UNC5D: variants seen among roughly 807,000 people sequenced by gnomAD.
UNC5D encodes unc-5 netrin receptor D, also known as netrin receptor UNC5D.
In UNC5D, 39 loss-of-function variants were observed where a neutral mutation model predicts 105.4. The ratio of observed to expected loss-of-function variants is 0.37; its 90% CI spans 0.29 to 0.48. UNC5D has a LOEUF of 0.48. Among genes scored for constraint, UNC5D ranks in the 20% least tolerant of loss-of-function variants. The pLI, the probability that UNC5D is intolerant of heterozygous loss-of-function variation, is 0.98. For missense variants in UNC5D, 991 were observed against 1,202.4 expected, an observed-to-expected ratio of 0.82 and a Z score of 2.60; for synonymous variants, 452 against 450.4, an observed-to-expected ratio of 1.00 and a Z score of -0.04.
At chr8:35,543,329 C>CA (rs1815404057) in intron 1 of UNC5D, among the ~76,000 whole-genome samples, 2 of 152,176 alleles carry the variant, frequency 1.3e-5, no homozygotes, top group South Asian at 2.1e-4. Flanking sequence ...TAGAACGTCT[C>CA]AAAATCTCTT....
At chr8:35,380,093 G>T (rs1267952594) in intron 1 of UNC5D, among the ~76,000 whole-genome samples, 1 of 102,734 alleles carries the variant, frequency 9.7e-6, no homozygotes, top group Non-Finnish European at 2.0e-5. Context: ...GGGGTGGGGG[G>T]GGGGTCGGGG....
At chr8:35,460,218 G>C (rs1271023028) in intron 1 of UNC5D, among the ~76,000 whole-genome samples, 2 of 152,146 alleles carry the variant, frequency 1.3e-5, no homozygotes, top group African/African-American at 2.4e-5. Context: ...TCTGCTGCTT[G>C]CTTGCTGAGA....
chr8:35,633,129 C>T (rs765983299), intron 4 of UNC5D, among the ~76,000 whole-genome samples: 3 of 152,210 alleles, frequency 2.0e-5, no homozygotes, highest in Non-Finnish European at 4.4e-5. Flanking sequence ...AGTATATAGC[C>T]TGCAGCCTTG....
rs759678625 is a variant in UNC5D at position 35,774,430 on chromosome 8, C to G, written c.2610C>G (p.Ala870=). The G allele has an allele frequency of 2.5e-6, 4 of 1,614,122 alleles. No homozygotes were observed. The East Asian group carries it at 6.7e-5, about 27-fold the overall frequency. The change falls in exon 16 of 17, where the codon GCC becomes GCG. Residue 870 remains alanine (A), a synonymous_variant. Coordinates refer to ENST00000404895, the MANE Select transcript of UNC5D (RefSeq NM_080872.4). ...GTGCTACATTTGATACCCCCAATGC[C>G]AAAGGCAAGGACTGGCAGATGTTAG... ...RICATFDTPN[A]KGKDWQMLAQ...
chr8:35,257,057 T>C (rs2204720), intron 1 of UNC5D, among the ~76,000 whole-genome samples: 132,933 of 150,994 alleles, frequency 0.88, 58,670 homozygotes, highest in East Asian at 1. Flanking sequence ...CTGCAACCTC[T>C]GATTCCCTGG....
intron 1 of UNC5D, among the ~76,000 whole-genome samples, chr8:35,485,852 A>C (rs1810783921): frequency 6.6e-6 from 1 of 152,140 alleles, no homozygotes; most frequent in Non-Finnish European, 1.5e-5. Context: ...GACCTAGGGG[A>C]GATGATCGAA....
At chr8:35,457,573 T>C (rs1347942173) in intron 1 of UNC5D, among the ~76,000 whole-genome samples, 1 of 152,184 alleles carries the variant, frequency 6.6e-6, no homozygotes, top group Non-Finnish European at 1.5e-5. Context: ...GTTTGGAATA[T>C]GTTCTTGTCT....
At chr8:35,747,856 GT>G (rs1277079915) in intron 11 of UNC5D, among the ~76,000 whole-genome samples, 3 of 152,150 alleles carry the variant, frequency 2.0e-5, no homozygotes, top group Non-Finnish European at 4.4e-5. Context: ...TGAACACCAG[GT>G]TTGGATTGAA....
chr8:35,404,631 A>C (rs182767489), intron 1 of UNC5D, among the ~76,000 whole-genome samples: 1 of 151,930 alleles, frequency 6.6e-6, no homozygotes, highest in Non-Finnish European at 1.5e-5. Flanking sequence ...TCTGTTGCCC[A>C]GGCTGGAGTG....
At chr8:35,508,706 C>T (rs1281815153) in intron 1 of UNC5D, among the ~76,000 whole-genome samples, 3 of 152,158 alleles carry the variant, frequency 2.0e-5, no homozygotes, top group African/African-American at 7.2e-5. Flanking sequence ...CAGGTGGCAC[C>T]AGGGCAGGGA....
At chr8:35,768,932 A>G (rs1801891156) in intron 15 of UNC5D, among the ~76,000 whole-genome samples, 1 of 152,146 alleles carries the variant, frequency 6.6e-6, no homozygotes, top group African/African-American at 2.4e-5. Flanking sequence ...TAACCCTTTG[A>G]TCCTTTCAAG....
chr8:35,377,896 G>A (rs1163086783), intron 1 of UNC5D, among the ~76,000 whole-genome samples: 2 of 152,092 alleles, frequency 1.3e-5, no homozygotes, highest in South Asian at 4.1e-4. Flanking sequence ...CTTTATTTCT[G>A]TTTTCCTCTT....
chr8:35,361,843 A>G (rs547611386), intron 1 of UNC5D, among the ~76,000 whole-genome samples: 3 of 152,282 alleles, frequency 2.0e-5, no homozygotes, highest in East Asian at 3.9e-4. Flanking sequence ...CCAAATGAGT[A>G]AAAGATGCTT....
intron 1 of UNC5D, among the ~76,000 whole-genome samples, chr8:35,246,959 C>T (rs1478351486): frequency 6.6e-6 from 1 of 151,860 alleles, no homozygotes; most frequent in Non-Finnish European, 1.5e-5. Flanking sequence ...TAAAAAGGGC[C>T]CTAAAATTTC....
rs1284406479 is a variant in UNC5D at position 35,235,805 on chromosome 8, C to G, written c.21C>G (p.Thr7=). Residue 7 remains threonine (T), a synonymous_variant, in exon 1 of 17, where the codon ACC becomes ACG. Coordinates refer to ENST00000404895, the MANE Select transcript of UNC5D (RefSeq NM_080872.4). ...GGAGCATGGGGAGAGCGGCGGCCACCGCAGGCGGCGGCGGAGGGGCGCGCC... is the reference window on the plus strand; with the variant it reads ...GGAGCATGGGGAGAGCGGCGGCCACGGCAGGCGGCGGCGGAGGGGCGCGCC... MGRAAA[T]AGGGGGARRW... 8.1e-7 allele frequency: 1 copy of G among 1,229,942 alleles called. No individual in the cohort carries two copies. The highest frequency in any genetic ancestry group is 1.0e-6 in the Non-Finnish European group (1 of 986,348). The allele number at this position is 1,229,942 out of a possible 1,614,324, so 76.2% of individuals were successfully genotyped here. A position where few individuals can be genotyped will look rare whatever the true frequency, so the allele number is the denominator to read the frequency against.
chr8:35,261,661 C>A (rs1036899955), intron 1 of UNC5D, among the ~76,000 whole-genome samples: 1 of 151,780 alleles, frequency 6.6e-6, no homozygotes, highest in African/African-American at 2.4e-5. Context: ...GTGTATTTCA[C>A]GGAGGCTCAT....
intron 8 of UNC5D, among the ~76,000 whole-genome samples, chr8:35,709,795 C>T (rs1053016192): frequency 6.6e-6 from 1 of 152,020 alleles, no homozygotes; most frequent in Non-Finnish European, 1.5e-5. Flanking sequence ...GCAGTCAAGG[C>T]AAAGGGAACA....
chr8:35,695,201 AT>A (rs1270559821), intron 7 of UNC5D, among the ~76,000 whole-genome samples: 3 of 152,144 alleles, frequency 2.0e-5, no homozygotes, highest in African/African-American at 7.2e-5. Context: ...AAAAGAATCA[AT>A]ATCCTTTCCT....
intron 1 of UNC5D, among the ~76,000 whole-genome samples, chr8:35,242,812 G>A (rs1251717168): frequency 2.0e-5 from 3 of 152,116 alleles, no homozygotes; most frequent in Non-Finnish European, 2.9e-5. Flanking sequence ...ACTCAATATT[G>A]GAGAAGATTT....
Sources: gnomAD v4.1 joint callset for allele counts (sites outside exome capture counted in the v4.1 genomes callset) on GRCh38, gnomAD v4.1.1 for gene constraint, MANE v1.5 for transcripts, NCBI Gene and HGNC (gene_info 2026-07-23, HGNC 2026-07-21) for gene names.